The following HAAO variants were observed in gnomAD, a reference collection of about 807,000 sequenced individuals.
HAAO encodes the protein 3-hydroxyanthranilate 3,4-dioxygenase.
A neutral mutation model predicts 46.2 loss-of-function variants in HAAO; 49 were observed. The observed-to-expected ratio is 1.06, with a 90% confidence interval of 0.84 to 1.34. The LOEUF is 1.34. HAAO is among the 40% of genes most tolerant of loss of function. The probability of loss-of-function intolerance (pLI) is 0.00; values close to 1 mark genes in which losing one functional copy is unlikely to be tolerated. For synonymous variants in HAAO, 157 were observed against 145.2 expected (o/e 1.08, Z -0.58); for missense variants, 408 against 364.5 (o/e 1.12, Z -0.97).
At chr2:42,783,685 G>T in intron 3 of HAAO, 99 bp downstream of exon 3, 1 of 1,017,108 alleles carries the variant, frequency 9.8e-7, no homozygotes, top group South Asian at 1.4e-5. Context: ...GGAAAAGGTA[G>T]GGAGGACAAG....
chr2:42,772,014 A>G (rs1156683593), intron 4 of HAAO, among the ~76,000 whole-genome samples: 1 of 152,192 alleles, frequency 6.6e-6, no homozygotes, highest in Non-Finnish European at 1.5e-5. Flanking sequence ...GTGTTATTGA[A>G]TTTGCTGTAA....
chr2:42,770,019 T>G, intron 6 of HAAO, 124 bp downstream of exon 6: 1 of 1,117,008 alleles, frequency 9.0e-7, no homozygotes, highest in Non-Finnish European at 1.3e-6. Flanking sequence ...GGCTGCCATC[T>G]TCTTAGTACC....
At chr2:42,792,408 A>C (rs1672870749) in intron 1 of HAAO, 49 bp downstream of exon 1, 1 of 953,086 alleles carries the variant, frequency 1.0e-6, no homozygotes. Context: ...CAGATGGAGG[A>C]GGGGGAGGAG....
At chr2:42,772,954 A>C (rs534633195) in intron 4 of HAAO, among the ~76,000 whole-genome samples, 11 of 144,052 alleles carry the variant, frequency 7.6e-5, no homozygotes, top group South Asian at 6.7e-4. Flanking sequence ...AAAAAAAAAA[A>C]CCCAACCAAA....
At position 42,767,625 on chromosome 2, in the gene HAAO, T is replaced by C; in HGVS notation, c.752A>G (p.Asp251Gly). The C allele has an allele frequency of 6.4e-7, 1 of 1,573,468 alleles. No homozygotes were observed. Among genetic ancestry groups the C allele is most frequent in the Non-Finnish European group, 8.6e-7 (1 of 1,158,750 alleles). The change falls in exon 9 of 10, where the codon GAT becomes GGT. Residue 251 changes from aspartate (D) to glycine (G), a missense_variant. By Grantham distance (94) the Asp-to-Gly change is moderately conservative (BLOSUM62 -1). Transcript: ENST00000294973. ...MGGRRLSLAP[D>G]DSLLVLAGTS... The stretch of plus-strand genomic sequence containing the variant: ...CCCAGCTAGCACCAGGAGGCTGTCA[T>C]CAGGGGCCAGGCTCAGGCGCCGTCC...
At chr2:42,772,840 G>A (rs1484388340) in intron 4 of HAAO, among the ~76,000 whole-genome samples, 1 of 149,104 alleles carries the variant, frequency 6.7e-6, no homozygotes, top group Non-Finnish European at 1.5e-5. Flanking sequence ...GACCTGATGG[G>A]AAACTTGAAT....
chr2:42,783,876 C>T lies in HAAO; in HGVS notation c.160-9G>A, dbSNP rs765398330. 3 of 1,605,706 alleles carry T rather than the reference C, an allele frequency of 1.9e-6. No homozygotes were observed. The highest frequency in any genetic ancestry group is 1.7e-6 in the Non-Finnish European group (2 of 1,175,622). ...TCCAGCTGGTAAAATACCTGTGGGA[C>T]AGGAGAGAGGCTTGGACCCTCCGCA... On this transcript the variant is annotated splice_polypyrimidine_tract_variant and intron_variant, in intron 2 of 9. Transcript: ENST00000294973.
chr2:42,788,316 G>A (rs537441687), intron 2 of HAAO, among the ~76,000 whole-genome samples: 1 of 151,612 alleles, frequency 6.6e-6, no homozygotes, highest in East Asian at 1.9e-4. Context: ...TCCCCCAGCA[G>A]AGGTGCTAGC....
In HAAO at chr2:42,783,429, G is replaced by C. The variant is rs781123004; in HGVS notation, c.244-9C>G. 6.5e-7 allele frequency: 1 copy of C among 1,545,032 alleles called. No homozygotes were observed. The highest frequency in any genetic ancestry group is 8.9e-7 in the Non-Finnish European group (1 of 1,119,344). ...GCAGGCAGGAGGAATATCTGCAGTG[G>C]TAGAGATAAGGTGCACAGTGAGGCT... On this transcript the variant is annotated splice_polypyrimidine_tract_variant and intron_variant, in intron 3 of 9. Coordinates refer to ENST00000294973, the MANE Select transcript of HAAO (RefSeq NM_012205.3).
chr2:42,783,991 G>T, intron 2 of HAAO, 124 bp from the exon 3 acceptor site: 1 of 1,496,406 alleles, frequency 6.7e-7, no homozygotes, highest in Non-Finnish European at 9.0e-7. Context: ...GAGTTGATGG[G>T]CAGCTCCGTC....
chr2:42,775,440 A>C (rs1275626684), intron 4 of HAAO, among the ~76,000 whole-genome samples: 1 of 152,152 alleles, frequency 6.6e-6, no homozygotes, highest in Non-Finnish European at 1.5e-5. Context: ...ATTTTTTTCC[A>C]GCTGAAATAC....
intron 2 of HAAO, among the ~76,000 whole-genome samples, chr2:42,788,081 C>T (rs1232919987): frequency 6.6e-6 from 1 of 152,186 alleles, no homozygotes; most frequent in Non-Finnish European, 1.5e-5. Context: ...CTCAGCCCCT[C>T]GAACTCCCTC....
chr2:42,774,782 A>G (rs563624662), intron 4 of HAAO, among the ~76,000 whole-genome samples: 1 of 130,502 alleles, frequency 7.7e-6, no homozygotes, highest in Non-Finnish European at 1.6e-5. Context: ...GTTTTGCTTC[A>G]CTGTTTGTTG....
rs535861822 is a variant in HAAO, at chr2:42,783,330, C to T, written c.334G>A (p.Glu112Lys). Residue 112 changes from glutamate (E) to lysine (K), a missense_variant, in exon 4 of 10, where the codon GAG becomes AAG. Physicochemically the swap from Glu to Lys is moderately conservative, Grantham distance 56. Transcript: ENST00000294973. ...LVVERRRLET[E>K]LDGLRYYVGD... is the part of the protein sequence containing the mutation. Reference sequence around the variant, plus strand: ...AGAATTTACCTGAGCCCATCTAGCTCGGTCTCCAGCCGCCTTCGCTCAACC... The same window carrying T: ...AGAATTTACCTGAGCCCATCTAGCTTGGTCTCCAGCCGCCTTCGCTCAACC... 9.3e-6 allele frequency: 15 copies of T among 1,609,038 alleles called. No individual in the cohort carries two copies. In the African/African-American group the frequency reaches 1.1e-4, roughly 11 times the overall value.
intron 1 of HAAO, among the ~76,000 whole-genome samples, chr2:42,791,449 G>C (rs1040058015): frequency 2.6e-5 from 4 of 152,148 alleles, no homozygotes; most frequent in Non-Finnish European, 5.9e-5. Context: ...CAACAACAGT[G>C]ATAGAAGAGA....
Position 42,767,862 on chromosome 2 carries a change from G to C in HAAO, c.697C>G (p.Leu233Val). The change falls in exon 8 of 10, where the codon CTG becomes GTG. Residue 233 changes from leucine (L) to valine (V), a missense_variant and splice_region_variant. Transcript: ENST00000294973. ...CCCTGTCCCTGGGCCCCACTTGCCA[G>C]CTGCCACAGCCACACGTCCACATTC... ...RQNVDVWLWQ[L>V]EGSSVVTMGG... 1 of 1,613,824 alleles carries C rather than the reference G, an allele frequency of 6.2e-7. No individual in the cohort carries two copies. Among genetic ancestry groups the C allele is most frequent in the Non-Finnish European group, 8.5e-7 (1 of 1,179,706 alleles).
At chr2:42,775,014 C>T (rs1423106508) in intron 4 of HAAO, among the ~76,000 whole-genome samples, 1 of 151,978 alleles carries the variant, frequency 6.6e-6, no homozygotes, top group Non-Finnish European at 1.5e-5. Flanking sequence ...TTTGGGAGGC[C>T]GAGGTGGGCA....
intron 1 of HAAO, 29 bp downstream of exon 1, chr2:42,792,428 G>GT: frequency 7.2e-7 from 1 of 1,386,234 alleles, no homozygotes; most frequent in East Asian, 2.6e-5. Context: ...GGCGAGGGCA[G>GT]GGGGCGGCCA....
chr2:42,772,949 A>C (rs1229623880), intron 4 of HAAO, among the ~76,000 whole-genome samples: 260 of 151,812 alleles, frequency 1.7e-3, no homozygotes, highest in African/African-American at 5.6e-3. Flanking sequence ...AAAAAAAAAA[A>C]AAAAACCCAA....
Sources: gnomAD v4.1 joint callset for allele counts (sites outside exome capture counted in the v4.1 genomes callset) on GRCh38, gnomAD v4.1.1 for gene constraint, MANE v1.5 for transcripts, NCBI Gene and HGNC (gene_info 2026-07-23, HGNC 2026-07-21) for gene names.